Variants in SAAL1 observed in about 807,000 individuals in gnomAD.
The protein encoded by SAAL1 is serum amyloid A like 1.
A neutral mutation model predicts 59.8 loss-of-function variants in SAAL1; 42 were observed. The observed-to-expected ratio is 0.70, with a 90% CI of 0.55 to 0.91. The LOEUF (loss-of-function observed/expected upper bound fraction) is 0.91, where lower values mean the gene tolerates loss of function less well. Among genes scored for constraint, SAAL1 ranks in the 40% least tolerant of loss-of-function variants. The probability of loss-of-function intolerance (pLI) is 0.00; values close to 1 mark genes in which losing one functional copy is unlikely to be tolerated. For missense variants in SAAL1, 542 were observed against 561.1 expected, an observed-to-expected ratio of 0.97 and a Z score of 0.34; for synonymous variants, 191 against 194.3, an observed-to-expected ratio of 0.98 and a Z score of 0.14.
At chr11:18,099,697 C>T (rs1848614284) in intron 2 of SAAL1, among the ~76,000 whole-genome samples, 1 of 145,634 alleles carries the variant, frequency 6.9e-6, no homozygotes, top group South Asian at 2.2e-4. Context: ...ACTGGAGTGT[C>T]TGGGGTGGCA....
rs1848502674 is a variant in SAAL1, at chr11:18,089,821, T to C, written c.590-311A>G. 2.0e-5 allele frequency among the ~76,000 whole-genome samples: 3 copies of C among 152,310 alleles called. No homozygotes were observed. The South Asian group carries it at 6.2e-4, about 32-fold the overall frequency. On this transcript the variant is annotated intron_variant, in intron 6 of 11. Transcript: ENST00000524803. Reference sequence around the variant, plus strand: ...CCCAACACTTTTGGGAGCCCAAGGCTGGATGACTGCTTGAACACACGAGTT... The same window carrying C: ...CCCAACACTTTTGGGAGCCCAAGGCCGGATGACTGCTTGAACACACGAGTT...
At chr11:18,103,707 C>T (rs948576666) in intron 1 of SAAL1, among the ~76,000 whole-genome samples, 2 of 152,200 alleles carry the variant, frequency 1.3e-5, no homozygotes, top group African/African-American at 4.8e-5. Context: ...TCCAGCCACC[C>T]TCAACCCTGA....
intron 6 of SAAL1, 63 bp downstream of exon 6, chr11:18,090,112 A>G: frequency 1.4e-6 from 2 of 1,413,622 alleles, no homozygotes; most frequent in South Asian, 1.3e-5. Flanking sequence ...AAATAGTTAC[A>G]TGGTTTCCTA....
At chr11:18,081,617 T>C (rs538103421) in intron 10 of SAAL1, 114 bp from the exon 11 acceptor site, 1 of 765,648 alleles carries the variant, frequency 1.3e-6, no homozygotes, top group East Asian at 2.6e-5. Flanking sequence ...GCATTTCAAA[T>C]GTCCCACCTG....
intron 9 of SAAL1, among the ~76,000 whole-genome samples, chr11:18,084,190 T>G (rs959023455): frequency 2.6e-5 from 4 of 152,080 alleles, no homozygotes; most frequent in African/African-American, 4.8e-5. Flanking sequence ...TACAAAAAAA[T>G]TAGCTCACAG....
At chr11:18,080,934 T>C (rs181199347) in intron 11 of SAAL1, among the ~76,000 whole-genome samples, 29 of 152,360 alleles carry the variant, frequency 1.9e-4, no homozygotes, top group African/African-American at 6.5e-4. Context: ...TTTTTTCCTC[T>C]TAGAATTGTT....
intron 3 of SAAL1, among the ~76,000 whole-genome samples, chr11:18,095,137 CTTAAGT>C (rs1171278147): frequency 2.0e-5 from 3 of 152,114 alleles, no homozygotes; most frequent in Non-Finnish European, 4.4e-5. Flanking sequence ...CGGGGACATG[CTTAAGT>C]TTGAGAGTCC....
chr11:18,086,471 G>A (rs897182862), intron 9 of SAAL1, among the ~76,000 whole-genome samples: 6 of 152,186 alleles, frequency 3.9e-5, no homozygotes, highest in Middle Eastern at 3.4e-3. Context: ...GGCCGAGGTG[G>A]GTGGATCACC....
chr11:18,095,096 A>G (rs1447410876), intron 3 of SAAL1, among the ~76,000 whole-genome samples: 1 of 152,004 alleles, frequency 6.6e-6, no homozygotes, highest in African/African-American at 2.4e-5. Context: ...TGGACTAGAA[A>G]CTCTGGAGGG....
At chr11:18,092,551 G>A (rs569394079) in intron 3 of SAAL1, among the ~76,000 whole-genome samples, 6 of 152,286 alleles carry the variant, frequency 3.9e-5, no homozygotes, top group African/African-American at 7.2e-5. Flanking sequence ...GGAGCTATGC[G>A]AGAAGAACTT....
rs1247240680 is a variant in SAAL1 at position 18,083,749 on chromosome 11, G to A, written c.1043-18C>T. ...AAGATCTACTGTATAAACAAATCAA[G>A]AAGCATGGAATTGGCCAGTTAAGTT... On this transcript the variant is annotated intron_variant, in intron 9 of 11. Transcript: ENST00000524803. 1.3e-6 allele frequency: 2 copies of A among 1,553,866 alleles called. No individual in the cohort carries two copies. The highest frequency in any genetic ancestry group is 1.9e-5 in the Admixed American group (1 of 52,380).
intron 4 of SAAL1, 91 bp downstream of exon 4, chr11:18,092,154 C>T (rs2134060295): frequency 1.5e-6 from 1 of 670,938 alleles, no homozygotes; most frequent in Admixed American, 2.9e-5. Flanking sequence ...AAAGGACTGT[C>T]TTTCAGATTT....
At chr11:18,105,465 G>A (rs1848679254) in intron 1 of SAAL1, among the ~76,000 whole-genome samples, 1 of 151,346 alleles carries the variant, frequency 6.6e-6, no homozygotes, top group Non-Finnish European at 1.5e-5. Flanking sequence ...GAGCCACCGC[G>A]CCTGGTCAGA....
Position 18,089,340 on chromosome 11 carries a change from T to A in SAAL1, c.760A>T (p.Lys254Ter). The change falls in exon 7 of 12, where the codon AAA becomes TAA. Residue 254 changes from lysine (K) to a stop codon, truncating the protein, a stop_gained. Coordinates refer to ENST00000524803, the MANE Select transcript of SAAL1 (RefSeq NM_138421.3). LOFTEE classifies it high-confidence loss of function. Reference protein sequence around the residue: ...RLVPCILEAAKQVRSENPEWL... With the variant: ...RLVPCILEAA ...AAAGAGCTCACCTACCGTACTTGTT[T>A]GGCAGCTTCAAGTATACAGGGCACA... is the stretch of plus-strand genomic sequence containing the variant. The A allele has an allele frequency of 6.5e-7, 1 of 1,549,438 alleles. No homozygotes were observed. Among genetic ancestry groups the A allele is most frequent in the Non-Finnish European group, 8.7e-7 (1 of 1,155,678 alleles).
chr11:18,094,113 G>A (rs750659153), intron 3 of SAAL1: 2 of 151,988 alleles, frequency 1.3e-5, no homozygotes, highest in South Asian at 4.2e-4. Flanking sequence ...TAATTTCCAG[G>A]GTAGAGCCTG....
chr11:18,100,405 A>C (rs1848622294), intron 2 of SAAL1, among the ~76,000 whole-genome samples: 1 of 152,224 alleles, frequency 6.6e-6, no homozygotes, highest in African/African-American at 2.4e-5. Flanking sequence ...CTTACCTATA[A>C]ACCAAAGAAA....
chr11:18,090,335 A>G, intron 5 of SAAL1, 45 bp from the exon 6 acceptor site: 1 of 1,571,762 alleles, frequency 6.4e-7, no homozygotes, highest in Non-Finnish European at 8.6e-7. Context: ...CAAAAAAAAA[A>G]AAAAAACAGT....
chr11:18,091,523 C>A (rs1159280409), intron 4 of SAAL1, among the ~76,000 whole-genome samples: 1 of 152,160 alleles, frequency 6.6e-6, no homozygotes, highest in Non-Finnish European at 1.5e-5. Context: ...GTACTTGAAT[C>A]CTGTGATAAA....
Position 18,106,064 on chromosome 11 carries a change from G to A in SAAL1, c.-23C>T. ...CATGACTTTGTCGCGTCCCGCGCTTGAAGGCCGTGCCGGAAGCTGCGGAGG... is the reference window on the plus strand; with the variant it reads ...CATGACTTTGTCGCGTCCCGCGCTTAAAGGCCGTGCCGGAAGCTGCGGAGG... On this transcript the variant is annotated 5_prime_UTR_variant, in exon 1 of 12. Transcript: ENST00000524803. 1 of 1,587,614 alleles carries A rather than the reference G, an allele frequency of 6.3e-7. No individual in the cohort carries two copies. Among genetic ancestry groups the A allele is most frequent in the Non-Finnish European group, 8.5e-7 (1 of 1,173,358 alleles).
Sources: gnomAD v4.1 joint callset for allele counts (sites outside exome capture counted in the v4.1 genomes callset) on GRCh38, gnomAD v4.1.1 for gene constraint, MANE v1.5 for transcripts, NCBI Gene and HGNC (gene_info 2026-07-23, HGNC 2026-07-21) for gene names.